The following TMEM65 variants were observed in gnomAD, a reference collection of about 807,000 sequenced individuals.
The protein encoded by TMEM65 is transmembrane protein 65.
A neutral mutation model predicts 25.4 loss-of-function variants in TMEM65; 22 were observed. The ratio of observed to expected loss-of-function variants is 0.86; its 90% CI spans 0.62 to 1.23. The LOEUF (loss-of-function observed/expected upper bound fraction) is 1.23, where lower values mean the gene tolerates loss of function less well. Ranked by LOEUF, TMEM65 falls within the 50% of genes most tolerant of loss-of-function variation. TMEM65 has a pLI of 0.00. For missense variants in TMEM65, 262 were observed against 308.2 expected (o/e 0.85, Z 1.12); for synonymous variants, 132 against 126.2 (o/e 1.05, Z -0.31).
intron 1 of TMEM65, among the ~76,000 whole-genome samples, chr8:124,337,632 A>C (rs1041152978): frequency 1.3e-5 from 2 of 152,042 alleles, no homozygotes; most frequent in African/African-American, 4.8e-5. Context: ...GTCTTTGCTA[A>C]AGGTTAAATA....
At position 124,313,541 on chromosome 8, in the gene TMEM65, A is replaced by G. The variant is rs1586453520; in HGVS notation, c.*419T>C. The G allele has an allele frequency of 6.5e-6, 1 of 154,378 alleles. No individual in the cohort carries two copies. The highest frequency in any genetic ancestry group is 2.4e-5 in the African/African-American group (1 of 41,476). The allele number at this position is 154,378 out of a possible 1,614,324, so 9.6% of individuals were successfully genotyped here. A position where few individuals can be genotyped will look rare whatever the true frequency, so the allele number is the denominator to read the frequency against. ...AAGAGGGTAAAAAAATCTTTAACTG[A>G]CATTAAACATCTTAAGTAATTTGGA... On this transcript the variant is annotated 3_prime_UTR_variant, in exon 7 of 7. Transcript: ENST00000297632.
At chr8:124,366,286 C>A (rs538452783) in intron 1 of TMEM65, among the ~76,000 whole-genome samples, 2 of 152,344 alleles carry the variant, frequency 1.3e-5, no homozygotes, top group East Asian at 3.9e-4. Context: ...GGAACATTTT[C>A]TCTGGGATCC....
intron 1 of TMEM65, among the ~76,000 whole-genome samples, chr8:124,358,972 A>C (rs1008405096): frequency 6.6e-6 from 1 of 152,198 alleles, no homozygotes; most frequent in African/African-American, 2.4e-5. Flanking sequence ...GTTGTGACAG[A>C]AACTGGACTG....
At chr8:124,364,447 G>A (rs1347966398) in intron 1 of TMEM65, among the ~76,000 whole-genome samples, 1 of 152,208 alleles carries the variant, frequency 6.6e-6, no homozygotes, top group African/African-American at 2.4e-5. Context: ...TGAAACAGCA[G>A]TGTTCTGGAG....
rs756861996 is a variant in TMEM65 at position 124,313,955 on chromosome 8, G to C, written c.*5C>G. The C allele has an allele frequency of 1.3e-6, 2 of 1,595,230 alleles. No homozygotes were observed. Among genetic ancestry groups the C allele is most frequent in the Non-Finnish European group, 1.7e-6 (2 of 1,163,802 alleles). On this transcript the variant is annotated 3_prime_UTR_variant, in exon 7 of 7. Coordinates refer to ENST00000297632, the MANE Select transcript of TMEM65 (RefSeq NM_194291.3). ...TTACATCTTTTTATAGGTATTCTAA[G>C]AGGATTAACTTTTCGTTTCCAGTTT...
rs1238779747 is a variant in TMEM65, at chr8:124,308,362, A to G, written c.*5598T>C. The stretch of plus-strand genomic sequence containing the variant: ...CACACAGTACTCTATGCAAAGAACC[A>G]TCAGTGCCATGCAAGAGAACTCTAA... On this transcript the variant is annotated 3_prime_UTR_variant, in exon 7 of 7. Coordinates refer to ENST00000297632, the MANE Select transcript of TMEM65 (RefSeq NM_194291.3). 1 of 152,194 alleles carries G rather than the reference A, an allele frequency of 6.6e-6. No individual in the cohort carries two copies. 9.4% of individuals were successfully genotyped at this position (152,194 alleles called of 1,614,324 possible).
At chr8:124,333,725 T>C (rs545942726) in intron 1 of TMEM65, among the ~76,000 whole-genome samples, 1 of 152,012 alleles carries the variant, frequency 6.6e-6, no homozygotes, top group African/African-American at 2.4e-5. Context: ...TGAAACCAGG[T>C]TGATCTAGAG....
intron 4 of TMEM65, 77 bp downstream of exon 4, chr8:124,323,244 A>G: frequency 1.3e-6 from 1 of 767,598 alleles, no homozygotes; most frequent in Non-Finnish European, 2.1e-6. Context: ...CAAATAAATT[A>G]CCCTCCTCTA....
chr8:124,367,252 T>C (rs370990341), intron 1 of TMEM65, among the ~76,000 whole-genome samples: 1 of 152,230 alleles, frequency 6.6e-6, no homozygotes, highest in East Asian at 1.9e-4. Flanking sequence ...GCTCGGTGGA[T>C]CACCTGAGGT....
intron 1 of TMEM65, among the ~76,000 whole-genome samples, chr8:124,365,695 CA>C (rs1240585668): frequency 3.3e-5 from 5 of 152,026 alleles, no homozygotes; most frequent in Non-Finnish European, 5.9e-5. Flanking sequence ...AATAGGGAGG[CA>C]AAAAGGTCAA....
At chr8:124,321,094 A>G (rs878991946) in intron 5 of TMEM65, among the ~76,000 whole-genome samples, 1 of 152,150 alleles carries the variant, frequency 6.6e-6, no homozygotes, top group African/African-American at 2.4e-5. Flanking sequence ...AGAATGTTTA[A>G]GAGATGATAT....
chr8:124,331,554 G>C (rs1450840557), intron 1 of TMEM65, among the ~76,000 whole-genome samples: 1 of 151,558 alleles, frequency 6.6e-6, no homozygotes, highest in African/African-American at 2.4e-5. Flanking sequence ...ATAAGCCAGA[G>C]AGTATCTTTA....
Position 124,371,942 on chromosome 8 carries a change from C to A in TMEM65, c.216G>T (p.Ala72=), listed in dbSNP as rs371357144. Residue 72 remains alanine, a synonymous_variant, in exon 1 of 7, where the codon GCG becomes GCT. Transcript: ENST00000297632. ...PMEALNTAQG[A]RDFIYSLHST... is the part of the protein sequence containing the mutation. ...AGTGCAGGCTGTAGATGAAGTCGCGCGCGCCCTGCGCCGTGTTCAGCGCCT... is the reference window on the plus strand; with the variant it reads ...AGTGCAGGCTGTAGATGAAGTCGCGAGCGCCCTGCGCCGTGTTCAGCGCCT... The A allele has an allele frequency of 1.3e-6, 2 of 1,518,134 alleles. No homozygotes were observed. The highest frequency in any genetic ancestry group is 2.8e-5 in the East Asian group (1 of 35,464). 94.0% of individuals were successfully genotyped at this position (1,518,134 alleles called of 1,614,324 possible).
intron 2 of TMEM65, among the ~76,000 whole-genome samples, chr8:124,329,651 A>G (rs1814408147): frequency 1.3e-5 from 2 of 151,998 alleles, no homozygotes; most frequent in South Asian, 4.1e-4. Flanking sequence ...ATTTATTTTA[A>G]CTAAAAGGAA....
chr8:124,318,088 C>A (rs1210442841), intron 6 of TMEM65, among the ~76,000 whole-genome samples: 1 of 152,154 alleles, frequency 6.6e-6, no homozygotes, highest in Non-Finnish European at 1.5e-5. Flanking sequence ...GCGAGTTGCA[C>A]AAGCTTGCTC....
At chr8:124,355,089 T>C (rs764087601) in intron 1 of TMEM65, among the ~76,000 whole-genome samples, 1 of 152,170 alleles carries the variant, frequency 6.6e-6, no homozygotes, top group Non-Finnish European at 1.5e-5. Flanking sequence ...CAATGGACAG[T>C]GTATTCCAGG....
chr8:124,357,283 T>G (rs1284940564), intron 1 of TMEM65, among the ~76,000 whole-genome samples: 1 of 152,128 alleles, frequency 6.6e-6, no homozygotes, highest in East Asian at 1.9e-4. Context: ...TATATACAAT[T>G]AATTACTAAA....
intron 1 of TMEM65, among the ~76,000 whole-genome samples, chr8:124,352,422 TTC>T (rs1814722449): frequency 6.6e-6 from 1 of 151,584 alleles, no homozygotes; most frequent in African/African-American, 2.4e-5. Flanking sequence ...AGGAACAAGA[TTC>T]TCTTTCTTAG....
intron 1 of TMEM65, among the ~76,000 whole-genome samples, chr8:124,357,131 C>G (rs2131223983): frequency 6.6e-6 from 1 of 150,870 alleles, no homozygotes; most frequent in South Asian, 2.1e-4. Context: ...TCTTCCTGTT[C>G]TCTTCCAATA....
Sources: gnomAD v4.1 joint callset for allele counts (sites outside exome capture counted in the v4.1 genomes callset) on GRCh38, gnomAD v4.1.1 for gene constraint, MANE v1.5 for transcripts, NCBI Gene and HGNC (gene_info 2026-07-23, HGNC 2026-07-21) for gene names.